TGFB2: variants seen among roughly 807,000 people sequenced by gnomAD.
The protein encoded by TGFB2 is transforming growth factor beta 2.
In TGFB2, 13 loss-of-function variants were observed where a neutral mutation model predicts 42.7. That is an observed-to-expected ratio of 0.30 (90% CI 0.20 to 0.48). TGFB2 has a LOEUF of 0.48. Ranked by LOEUF, TGFB2 falls within the 20% of genes least tolerant of loss-of-function variation. The probability of loss-of-function intolerance (pLI) is 0.99; values close to 1 mark genes in which losing one functional copy is unlikely to be tolerated. For synonymous variants in TGFB2, 193 were observed against 193.6 expected (o/e 1.00, Z 0.03); for missense variants, 390 against 517.5 (o/e 0.75, Z 2.39).
Position 218,441,201 on chromosome 1 carries a change from C to G in TGFB2, c.1087-3C>G. On this transcript the variant is annotated splice_polypyrimidine_tract_variant and splice_region_variant and intron_variant, in intron 6 of 6. Transcript: ENST00000366930. ...TTGTCTCTCCTCTCCTGTGTCCTTT[C>G]AGGTCCTGAGCTTATATAATACCAT... is the stretch of plus-strand genomic sequence containing the variant. 1 of 1,603,328 alleles carries G rather than the reference C, an allele frequency of 6.2e-7. No homozygotes were observed. Among genetic ancestry groups the G allele is most frequent in the Non-Finnish European group, 8.5e-7 (1 of 1,177,576 alleles).
chr1:218,369,625 G>A (rs1168313655), intron 1 of TGFB2, among the ~76,000 whole-genome samples: 1 of 152,178 alleles, frequency 6.6e-6, no homozygotes, highest in Admixed American at 6.5e-5. Context: ...CATGTGGAAT[G>A]GCAGCTACTG....
At chr1:218,373,048 C>G (rs575789124) in intron 1 of TGFB2, among the ~76,000 whole-genome samples, 3 of 152,080 alleles carry the variant, frequency 2.0e-5, no homozygotes, top group Non-Finnish European at 4.4e-5. Flanking sequence ...AGTGGTGGCA[C>G]ATGCCTGTAA....
chr1:218,393,845 G>A (rs572312177), intron 1 of TGFB2, among the ~76,000 whole-genome samples: 2 of 151,974 alleles, frequency 1.3e-5, no homozygotes, highest in Admixed American at 6.6e-5. Flanking sequence ...GCCCACAAAC[G>A]TGGGTGCAGC....
At chr1:218,360,499 A>G (rs776932113) in intron 1 of TGFB2, among the ~76,000 whole-genome samples, 1 of 152,120 alleles carries the variant, frequency 6.6e-6, no homozygotes, top group Non-Finnish European at 1.5e-5. Flanking sequence ...AACAACACAC[A>G]CTGGGGTCTG....
chr1:218,367,468 G>A (rs1657423388), intron 1 of TGFB2, among the ~76,000 whole-genome samples: 1 of 152,140 alleles, frequency 6.6e-6, no homozygotes, highest in South Asian at 2.1e-4. Context: ...TTTTCTTTGT[G>A]CAACCCTGTG....
chr1:218,368,605 A>AG (rs1247739908), intron 1 of TGFB2, among the ~76,000 whole-genome samples: 1 of 152,228 alleles, frequency 6.6e-6, no homozygotes. Flanking sequence ...AATGTTTTGC[A>AG]GGGGAAGTAG....
intron 1 of TGFB2, among the ~76,000 whole-genome samples, chr1:218,381,726 A>G (rs1240620333): frequency 5.9e-5 from 9 of 152,180 alleles, no homozygotes; most frequent in Admixed American, 3.9e-4. Context: ...CGATGTTCCT[A>G]AAAGGGAAGG....
At chr1:218,379,130 C>CTTT (rs61674773) in intron 1 of TGFB2, among the ~76,000 whole-genome samples, 11 of 143,936 alleles carry the variant, frequency 7.6e-5, no homozygotes, top group South Asian at 2.2e-4. Context: ...TTCTTTCTTT[C>CTTT]TTTTTTTTTT....
rs1224916923 is a variant in TGFB2 at position 218,346,758 on chromosome 1, C to T, written c.57C>T (p.Leu19=). The T allele has an allele frequency of 7.4e-6, 12 of 1,614,146 alleles. No individual in the cohort carries two copies. The South Asian group carries it at 1.3e-4, about 18-fold the overall frequency. The change falls in exon 1 of 7, where the codon CTC becomes CTT. Residue 19 remains leucine (L), a synonymous_variant. Transcript: ENST00000366930. This position sits in a 1 kb window ranked among gnomAD's most constrained non-coding sequence, Gnocchi z 4.9. ...FLILHLVTVA[L]SLSTCSTLDM... ...TCCTGCATCTGGTCACGGTCGCGCT[C>T]AGCCTGTCTACCTGCAGCACACTCG...
At chr1:218,422,698 A>G (rs1242827366) in intron 2 of TGFB2, among the ~76,000 whole-genome samples, 1 of 152,070 alleles carries the variant, frequency 6.6e-6, no homozygotes, top group Non-Finnish European at 1.5e-5. Context: ...CTGGTAACCT[A>G]TGAACACATC....
chr1:218,431,858 A>C (rs550597894), intron 2 of TGFB2, among the ~76,000 whole-genome samples: 2 of 152,158 alleles, frequency 1.3e-5, no homozygotes, highest in African/African-American at 2.4e-5. Flanking sequence ...TAGATAAGTG[A>C]TGTCTTACTT....
intron 1 of TGFB2, among the ~76,000 whole-genome samples, chr1:218,373,065 C>G (rs1657621460): frequency 6.6e-6 from 1 of 152,106 alleles, no homozygotes; most frequent in Admixed American, 6.5e-5. Context: ...GTAATCCCAG[C>G]TACTCGGGAG....
chr1:218,349,111 A>G (rs1656787049), intron 1 of TGFB2, among the ~76,000 whole-genome samples: 1 of 152,194 alleles, frequency 6.6e-6, no homozygotes, highest in Non-Finnish European at 1.5e-5. Flanking sequence ...CAGCCACCAA[A>G]TAAATGAAAA....
intron 2 of TGFB2, among the ~76,000 whole-genome samples, chr1:218,431,976 G>A (rs772272554): frequency 2.0e-5 from 3 of 152,114 alleles, no homozygotes; most frequent in Non-Finnish European, 4.4e-5. Flanking sequence ...TTGTGTATAC[G>A]TTCCACTATC....
At chr1:218,404,796 A>C (rs1241330586) in intron 1 of TGFB2, among the ~76,000 whole-genome samples, 1 of 152,212 alleles carries the variant, frequency 6.6e-6, no homozygotes, top group Non-Finnish European at 1.5e-5. Context: ...TTTTCTTGGC[A>C]CATCTGATTA....
chr1:218,352,223 A>G (rs1656891127), intron 1 of TGFB2, among the ~76,000 whole-genome samples: 2 of 149,362 alleles, frequency 1.3e-5, no homozygotes, highest in South Asian at 4.3e-4. Context: ...CCCTTCCGCT[A>G]TCTTGATGTA....
intron 1 of TGFB2, among the ~76,000 whole-genome samples, chr1:218,403,687 C>G (rs986876890): frequency 6.6e-6 from 1 of 152,168 alleles, no homozygotes; most frequent in African/African-American, 2.4e-5. Context: ...AATACAGTCT[C>G]TGCCCTCAAG....
chr1:218,402,587 A>T (rs1658761781), intron 1 of TGFB2, among the ~76,000 whole-genome samples: 1 of 152,234 alleles, frequency 6.6e-6, no homozygotes, highest in African/African-American at 2.4e-5. Context: ...AGAGATAAAA[A>T]TAAATCTCAA....
At chr1:218,398,788 A>G (rs992890955) in intron 1 of TGFB2, among the ~76,000 whole-genome samples, 1 of 152,054 alleles carries the variant, frequency 6.6e-6, no homozygotes, top group African/African-American at 2.4e-5. Flanking sequence ...GGGTTTCACC[A>G]TGTGGCCAGG....
Sources: allele counts gnomAD v4.1 joint callset (sites outside exome capture counted in the v4.1 genomes callset), GRCh38; gene constraint gnomAD v4.1.1; non-coding constraint Gnocchi (gnomAD v3.1); transcripts MANE v1.5; gene names NCBI Gene and HGNC (gene_info 2026-07-23, HGNC 2026-07-21).